MMP26: variants seen among roughly 807,000 people sequenced by gnomAD.
The protein encoded by MMP26 is matrix metalloproteinase-26.
Under a neutral mutation model 31.0 loss-of-function variants are expected in MMP26, and 33 were observed. That is an observed-to-expected ratio of 1.06 (90% CI 0.81 to 1.42). The LOEUF is 1.42. Ranked by LOEUF, MMP26 falls within the 40% of genes most tolerant of loss-of-function variation. The pLI is 0.00. For missense variants in MMP26, 347 were observed against 316.1 expected (o/e 1.10, Z -0.74); for synonymous variants, 122 against 114.9 (o/e 1.06, Z -0.40).
intron 2 of MMP26, among the ~76,000 whole-genome samples, chr11:4,966,070 C>A (rs1237250146): frequency 6.6e-6 from 1 of 152,072 alleles, no homozygotes; most frequent in South Asian, 2.1e-4. Context: ...ATGTACAGTA[C>A]AATGAGTTAT....
chr11:4,754,029 C>T (rs563060403), intron 1 of MMP26, among the ~76,000 whole-genome samples: 14 of 151,784 alleles, frequency 9.2e-5, no homozygotes, highest in Middle Eastern at 3.4e-3. Flanking sequence ...AGACCATTTC[C>T]ATACTTTGCT....
chr11:4,728,782 A>AT (rs1848136372), intron 1 of MMP26, among the ~76,000 whole-genome samples: 2 of 151,940 alleles, frequency 1.3e-5, no homozygotes, highest in Admixed American at 1.3e-4. Flanking sequence ...AAGTCTTTAA[A>AT]TTTTTCTTGA....
intron 2 of MMP26, among the ~76,000 whole-genome samples, chr11:4,942,266 ATAC>A (rs946808824): frequency 6.6e-6 from 1 of 151,838 alleles, no homozygotes; most frequent in African/African-American, 2.4e-5. Flanking sequence ...TTTTTCAATT[ATAC>A]TACATTTGTT....
At chr11:4,853,091 T>G (rs1243279951) in intron 2 of MMP26, among the ~76,000 whole-genome samples, 1 of 152,196 alleles carries the variant, frequency 6.6e-6, no homozygotes, top group African/African-American at 2.4e-5. Context: ...GGATAGAAAC[T>G]TACAGTTATA....
At chr11:4,785,157 G>A (rs1848919464) in intron 2 of MMP26, among the ~76,000 whole-genome samples, 1 of 152,130 alleles carries the variant, frequency 6.6e-6, no homozygotes, top group East Asian at 1.9e-4. Context: ...AACCATCCCA[G>A]TTTGCCCAAG....
At chr11:4,980,796 T>C (rs914553800) in intron 2 of MMP26, among the ~76,000 whole-genome samples, 1 of 152,060 alleles carries the variant, frequency 6.6e-6, no homozygotes, top group Non-Finnish European at 1.5e-5. Flanking sequence ...TTGTGGACAT[T>C]AATATCCTCA....
chr11:4,814,159 A>G (rs1849389262), intron 2 of MMP26, among the ~76,000 whole-genome samples: 1 of 152,222 alleles, frequency 6.6e-6, no homozygotes, highest in African/African-American at 2.4e-5. Flanking sequence ...GGTAAAAATG[A>G]GGAGCAATTG....
At chr11:4,966,449 A>T (rs1479863398) in intron 2 of MMP26, among the ~76,000 whole-genome samples, 1 of 152,150 alleles carries the variant, frequency 6.6e-6, no homozygotes, top group Non-Finnish European at 1.5e-5. Context: ...CGATATCTCC[A>T]GTGATTAGAT....
chr11:4,705,267 A>C (rs1172135489), intron 1 of MMP26, among the ~76,000 whole-genome samples: 1 of 152,142 alleles, frequency 6.6e-6, no homozygotes, highest in Non-Finnish European at 1.5e-5. Flanking sequence ...TTCATGCCAC[A>C]GTAAAAAAAG....
At chr11:4,851,730 ATTAAG>A (rs1447965169) in intron 2 of MMP26, among the ~76,000 whole-genome samples, 10 of 152,198 alleles carry the variant, frequency 6.6e-5, no homozygotes, top group East Asian at 5.8e-4. Flanking sequence ...TTTTACTGGA[ATTAAG>A]TTAATATTAT....
At chr11:4,880,293 C>T (rs183851476) in intron 2 of MMP26, among the ~76,000 whole-genome samples, 107 of 151,702 alleles carry the variant, frequency 7.1e-4, no homozygotes, top group Admixed American at 5.1e-3. Flanking sequence ...CCAGGTAAGA[C>T]GGGAGTGCAA....
chr11:4,926,802 C>A (rs139206576), intron 2 of MMP26, among the ~76,000 whole-genome samples: 15 of 152,252 alleles, frequency 9.9e-5, no homozygotes, highest in Non-Finnish European at 1.9e-4. Context: ...GACTCACACC[C>A]AAGAAATGGA....
chr11:4,707,268 A>T (rs1298625305), intron 1 of MMP26, among the ~76,000 whole-genome samples: 1 of 152,178 alleles, frequency 6.6e-6, no homozygotes, highest in Non-Finnish European at 1.5e-5. Context: ...TTTGATTCAC[A>T]TTTATGTGAT....
Position 4,954,924 on chromosome 11 carries a change from G to A in MMP26, c.-144-33144G>A, listed in dbSNP as rs140957448. The A allele has an allele frequency of 3.4e-5, 40 of 1,181,514 alleles. 6 individuals carry two copies. Among genetic ancestry groups the A allele is most frequent in the Middle Eastern group, 4.1e-4 (2 of 4,880 alleles). The allele number at this position is 1,181,514 out of a possible 1,614,324, so 73.2% of individuals were successfully genotyped here. ...AGGGGAGAGACATGCCCGGCAAAGC[G>A]GTGGACAACGGCCAGGTTGATGATG... On this transcript the variant is annotated intron_variant, in intron 2 of 7. Transcript: ENST00000380390.
chr11:4,969,426 A>G (rs1030932615), intron 2 of MMP26, among the ~76,000 whole-genome samples: 4 of 152,062 alleles, frequency 2.6e-5, no homozygotes, highest in Admixed American at 2.6e-4. Flanking sequence ...GTTGCAAGTT[A>G]CTAAAATATT....
intron 2 of MMP26, chr11:4,913,587 T>C (rs1254862329): frequency 6.6e-6 from 1 of 152,176 alleles, no homozygotes; most frequent in Non-Finnish European, 1.5e-5. Context: ...CAATACAACA[T>C]ATAAAAGGGC....
chr11:4,941,585 C>G lies in MMP26; in HGVS notation c.-144-46483C>G, dbSNP rs1240381270. On this transcript the variant is annotated intron_variant, in intron 2 of 7. Coordinates refer to ENST00000380390, the MANE Select transcript of MMP26 (RefSeq NM_021801.5). ...TAGATTTTGAATGGGATGTAAATCA[C>G]TATATTTTCAATAAGTTCCAAGGTG... 3.3e-5 allele frequency among the ~76,000 whole-genome samples: 5 copies of G among 152,092 alleles called. No individual in the cohort carries two copies. In the East Asian group the frequency reaches 9.7e-4, roughly 29 times the overall value.
intron 1 of MMP26, among the ~76,000 whole-genome samples, chr11:4,728,788 C>T (rs1848136456): frequency 6.6e-6 from 1 of 151,886 alleles, no homozygotes; most frequent in South Asian, 2.1e-4. Flanking sequence ...TTAAATTTTT[C>T]TTGAATATAT....
At chr11:4,848,430 A>C in intron 2 of MMP26, 1 of 1,613,890 alleles carries the variant, frequency 6.2e-7, no homozygotes, top group East Asian at 2.2e-5. Context: ...GATCATAGGG[A>C]TATAGAAGAG....
Sources: gnomAD v4.1 joint callset for allele counts (sites outside exome capture counted in the v4.1 genomes callset) on GRCh38, gnomAD v4.1.1 for gene constraint, MANE v1.5 for transcripts, NCBI Gene and HGNC (gene_info 2026-07-23, HGNC 2026-07-21) for gene names.